Variants in RAB17 observed in about 807,000 individuals in gnomAD.
RAB17 encodes the protein ras-related protein Rab-17.
Under a neutral mutation model 19.3 loss-of-function variants are expected in RAB17, and 15 were observed. That is an observed-to-expected ratio of 0.78 (90% confidence interval 0.52 to 1.20). The LOEUF (loss-of-function observed/expected upper bound fraction) is 1.20, where lower values mean the gene tolerates loss of function less well. RAB17 is among the 50% of genes most tolerant of loss of function. RAB17 has a pLI of 0.00. For missense variants in RAB17, 262 were observed against 269.3 expected (o/e 0.97, Z 0.19); for synonymous variants, 110 against 112.8 (o/e 0.97, Z 0.16).
intron 1 of RAB17, among the ~76,000 whole-genome samples, chr2:237,586,684 C>T (rs2081352639): frequency 6.6e-6 from 1 of 152,162 alleles, no homozygotes; most frequent in Admixed American, 6.5e-5. Context: ...TCAGAACCCA[C>T]AGTAATATGC....
Position 237,586,879 on chromosome 2 carries a change from G to A in RAB17, c.-3-722C>T, listed in dbSNP as rs969913587. ...CACTCACACTCCCAAACCTCCCCCT[G>A]CAGGGTACTGTGTAAAGCAGATCCC... On this transcript the variant is annotated intron_variant, in intron 1 of 5. Transcript: ENST00000264601. Among the ~76,000 whole-genome samples the A allele has an allele frequency of 7.2e-5, 11 of 152,168 alleles. 1 individual carries two copies. The highest frequency in any genetic ancestry group is 2.0e-4 in the Admixed American group (3 of 15,274).
At chr2:237,575,731 A>G (rs1200158182) in intron 4 of RAB17, 1 of 497,866 alleles carries the variant, frequency 2.0e-6, no homozygotes, top group Non-Finnish European at 3.6e-6. Flanking sequence ...AGGGCCTGGA[A>G]AGCCAAGTCC....
intron 2 of RAB17, among the ~76,000 whole-genome samples, chr2:237,584,592 A>T (rs1450847580): frequency 6.6e-6 from 1 of 152,184 alleles, no homozygotes; most frequent in Non-Finnish European, 1.5e-5. Context: ...AAGAACAGCC[A>T]GAGAGCCACA....
chr2:237,578,900 AACACACAC>A (rs59320284), intron 2 of RAB17: 2,878 of 143,210 alleles, frequency 0.02, 62 homozygotes, highest in African/African-American at 0.053. Context: ...GTACCTGCTT[AACACACAC>A]ACACACACAC....
Position 237,578,074 on chromosome 2 carries a change from T to C in RAB17, c.239A>G (p.Tyr80Cys). 2.5e-6 allele frequency: 4 copies of C among 1,613,874 alleles called. No individual in the cohort carries two copies. Among genetic ancestry groups the C allele is most frequent in the Non-Finnish European group, 3.4e-6 (4 of 1,179,784 alleles). Residue 80 changes from tyrosine to cysteine, a missense_variant, in exon 3 of 6, where the codon TAC (tyrosine) becomes TGC (cysteine). By Grantham distance (194) the Tyr-to-Cys change is radical (BLOSUM62 -2). Coordinates refer to ENST00000264601, the MANE Select transcript of RAB17 (RefSeq NM_022449.4). ...GAAGTAGAGGTGGCAGACGCTGTGG[T>C]ACTTCTCCTGGCCAGCTGTGTCCCA... ...EIWDTAGQEK[Y>C]HSVCHLYFRG...
intron 2 of RAB17, among the ~76,000 whole-genome samples, chr2:237,581,564 A>C (rs563937014): frequency 1.1e-3 from 167 of 152,250 alleles, no homozygotes; most frequent in Non-Finnish European, 2.0e-3. Context: ...CTCTCTACTA[A>C]ATGTTAATAT....
At chr2:237,585,467 C>G (rs2081342113) in intron 2 of RAB17, 1 of 168,966 alleles carries the variant, frequency 5.9e-6, no homozygotes, top group Non-Finnish European at 1.5e-5. Flanking sequence ...TTAAGAAACA[C>G]AGAGAGAAGG....
At chr2:237,589,849 A>G (rs2081379497) in intron 1 of RAB17, among the ~76,000 whole-genome samples, 2 of 152,144 alleles carry the variant, frequency 1.3e-5, no homozygotes, top group South Asian at 4.1e-4. Context: ...ACGGAGAGCA[A>G]ATCCCACATT....
intron 3 of RAB17, 71 bp from the exon 4 acceptor site, chr2:237,577,453 A>C: frequency 6.7e-7 from 1 of 1,502,642 alleles, no homozygotes; most frequent in South Asian, 1.3e-5. Context: ...GGGAGGGGGA[A>C]GCCAGTGTTG....
chr2:237,584,763 T>G (rs2081335396), intron 2 of RAB17, among the ~76,000 whole-genome samples: 1 of 152,192 alleles, frequency 6.6e-6, no homozygotes, highest in African/African-American at 2.4e-5. Context: ...TATTCTCAAC[T>G]GAGGCCACCC....
intron 2 of RAB17, among the ~76,000 whole-genome samples, chr2:237,581,304 G>T (rs1414509597): frequency 1.3e-5 from 2 of 151,478 alleles, no homozygotes; most frequent in Non-Finnish European, 2.9e-5. Flanking sequence ...AGCCCAGGAG[G>T]TTGAGGCTAC....
At chr2:237,586,693 G>A (rs1374572171) in intron 1 of RAB17, among the ~76,000 whole-genome samples, 1 of 152,132 alleles carries the variant, frequency 6.6e-6, no homozygotes, top group Admixed American at 6.5e-5. Flanking sequence ...ACAGTAATAT[G>A]CCCCAGAGAA....
chr2:237,576,382 G>A (rs1217571710), intron 4 of RAB17, among the ~76,000 whole-genome samples: 1 of 152,118 alleles, frequency 6.6e-6, no homozygotes, highest in Admixed American at 6.5e-5. Flanking sequence ...CAAGCACACA[G>A]CCCATGTAGT....
Position 237,574,775 on chromosome 2 carries a change from T to C in RAB17, c.*244A>G. ...CGTCCAGGTGGAACAGGCACAGGCA[T>C]CGGGGAATCAGATGGTATCAGTGGG... On this transcript the variant is annotated 3_prime_UTR_variant, in exon 6 of 6. Coordinates refer to ENST00000264601, the MANE Select transcript of RAB17 (RefSeq NM_022449.4). The C allele has an allele frequency of 8.9e-7, 1 of 1,127,956 alleles. No homozygotes were observed. The highest frequency in any genetic ancestry group is 1.9e-5 in the South Asian group (1 of 53,492). 69.9% of individuals were successfully genotyped at this position (1,127,956 alleles called of 1,614,324 possible).
At position 237,577,394 on chromosome 2, in the gene RAB17, G is replaced by T; in HGVS notation, c.310-12C>A. 1 of 1,585,732 alleles carries T rather than the reference G, an allele frequency of 6.3e-7. No individual in the cohort carries two copies. Among genetic ancestry groups the T allele is most frequent in the Non-Finnish European group, 8.6e-7 (1 of 1,165,298 alleles). On this transcript the variant is annotated splice_polypyrimidine_tract_variant and intron_variant, in intron 3 of 5. Coordinates refer to ENST00000264601, the MANE Select transcript of RAB17 (RefSeq NM_022449.4). ...TTGAGGAAGGAATCCTAGAAAAGAA[G>T]AAAAAAAGTAACATCAAACAAAACT...
chr2:237,574,845 T>C lies in RAB17; in HGVS notation c.*174A>G. On this transcript the variant is annotated 3_prime_UTR_variant, in exon 6 of 6. Transcript: ENST00000264601. The stretch of plus-strand genomic sequence containing the variant: ...CTGGGAGCCATGTGACGCCAGATCT[T>C]CCTCTGGCAGTTCCCACTGGCTGTG... 1.2e-6 allele frequency: 1 copy of C among 805,124 alleles called. No homozygotes were observed. The highest frequency in any genetic ancestry group is 1.9e-6 in the Non-Finnish European group (1 of 537,858). The allele number at this position is 805,124 out of a possible 1,614,324, so 49.9% of individuals were successfully genotyped here.
rs576923051 is a variant in RAB17 at position 237,586,445 on chromosome 2, T to C, written c.-3-288A>G. On this transcript the variant is annotated intron_variant, in intron 1 of 5. Transcript: ENST00000264601. ...CAGACCCTGAAAAGCAATGATTACA[T>C]GTGACGGTCTCAGGGCTTGTTGTCC... Among the ~76,000 whole-genome samples, 8 of 152,314 alleles carry C rather than the reference T, an allele frequency of 5.3e-5. No individual in the cohort carries two copies. In the East Asian group the frequency reaches 1.5e-3, roughly 29 times the overall value.
At chr2:237,575,744 AC>A (rs1446034052) in intron 4 of RAB17, 10 of 469,278 alleles carry the variant, frequency 2.1e-5, no homozygotes, top group Non-Finnish European at 3.8e-5. Context: ...CCAAGTCCCC[AC>A]CCCCAGGTTC....
At position 237,586,146 on chromosome 2, in the gene RAB17, C is replaced by T; in HGVS notation, c.9G>A (p.Gln3=). ...CCCTGGGCTGGGGGGTCCTGTGTGC[C>T]TGTGCCATGCCCTGCAAAGAATCAC... MA[Q]AHRTPQPRAA... is the part of the protein sequence containing the mutation. Residue 3 remains glutamine, a synonymous_variant, in exon 2 of 6, where the codon CAG becomes CAA. Coordinates refer to ENST00000264601, the MANE Select transcript of RAB17 (RefSeq NM_022449.4). 1.9e-6 allele frequency: 3 copies of T among 1,594,926 alleles called. No homozygotes were observed. The highest frequency in any genetic ancestry group is 1.7e-6 in the Non-Finnish European group (2 of 1,172,574).
Sources: allele counts gnomAD v4.1 joint callset (sites outside exome capture counted in the v4.1 genomes callset), GRCh38; gene constraint gnomAD v4.1.1; transcripts MANE v1.5; gene names NCBI Gene and HGNC (gene_info 2026-07-23, HGNC 2026-07-21).